AFF2: variants seen among roughly 807,000 people sequenced by gnomAD.
The protein encoded by AFF2 is AF4/FMR2 family member 2.
In AFF2, 14 loss-of-function variants were observed where a neutral mutation model predicts 76.9. The observed-to-expected ratio is 0.18, with a 90% CI of 0.12 to 0.28. AFF2 has a LOEUF of 0.28. Ranked by LOEUF, AFF2 falls within the 10% of genes least tolerant of loss-of-function variation. The pLI is 1.00. For synonymous variants in AFF2, 398 were observed against 366.7 expected (o/e 1.09, Z -0.98); for missense variants, 868 against 1,001.1 (o/e 0.87, Z 1.79).
chrX:148,873,290 A>G (rs1557277566), intron 7 of AFF2, among the ~76,000 whole-genome samples: 3 of 110,305 alleles, frequency 2.7e-5, no homozygotes, highest in Admixed American at 1.9e-4. Flanking sequence ...CTCTCGTGTC[A>G]TGGTTTGGAA....
chrX:148,968,848 T>C (rs982934844), intron 15 of AFF2, among the ~76,000 whole-genome samples: 6 of 112,011 alleles, frequency 5.4e-5, no homozygotes, highest in Admixed American at 9.4e-5. Flanking sequence ...AGGACAACAG[T>C]GCCTGTGACC....
chrX:148,507,987 T>C lies in AFF2; in HGVS notation c.47+6843T>C, dbSNP rs782548390. 1.4e-4 allele frequency among the ~76,000 whole-genome samples: 16 copies of C among 112,548 alleles called. No homozygotes were observed. The South Asian group carries it at 5.1e-3, about 36-fold the overall frequency. On this transcript the variant is annotated intron_variant, in intron 1 of 20. Coordinates refer to ENST00000370460, the MANE Select transcript of AFF2 (RefSeq NM_002025.4). ...TCATTTGAAAAATAAAATCAGCTAA[T>C]GTTTCAAAGTAATCTTCGATTTGGT... is the stretch of plus-strand genomic sequence containing the variant.
chrX:148,666,701 C>T (rs2054364641), intron 3 of AFF2, among the ~76,000 whole-genome samples: 1 of 111,553 alleles, frequency 9.0e-6, no homozygotes, highest in African/African-American at 3.3e-5. Context: ...ATGTGTTCTG[C>T]AGTTGGGTTT....
At chrX:148,987,622 A>G (rs1479545444) in intron 20 of AFF2, 65 bp downstream of exon 20, 26 of 985,043 alleles carry the variant, frequency 2.6e-5, no homozygotes, top group Non-Finnish European at 3.2e-5. Context: ...ACTTTGAAGG[A>G]CTTGAGTTGT....
intron 1 of AFF2, among the ~76,000 whole-genome samples, chrX:148,523,512 G>A (rs1173135179): frequency 3.6e-5 from 4 of 111,909 alleles, no homozygotes; most frequent in Non-Finnish European, 1.9e-5. Context: ...TTACAACTCT[G>A]ACTTCAATTA....
intron 3 of AFF2, among the ~76,000 whole-genome samples, chrX:148,788,737 C>A (rs782767659): frequency 1.8e-5 from 2 of 112,071 alleles, no homozygotes; most frequent in East Asian, 5.6e-4. Flanking sequence ...GTGATGGTAG[C>A]GTGTGGAGGG....
chrX:148,973,398 A>G, intron 15 of AFF2, 73 bp from the exon 16 acceptor site: 1 of 1,158,384 alleles, frequency 8.6e-7, no homozygotes, highest in Non-Finnish European at 1.2e-6. Flanking sequence ...ACTACCCCCC[A>G]GTTTCAAACC....
intron 8 of AFF2, among the ~76,000 whole-genome samples, chrX:148,887,049 A>T (rs2071167848): frequency 8.9e-6 from 1 of 112,871 alleles, no homozygotes; most frequent in Non-Finnish European, 1.9e-5. Flanking sequence ...CTTCAACGTT[A>T]TGTGGCCAAA....
rs2070666621 is a variant in AFF2, at chrX:148,846,294, G to A, written c.1262+2861G>A. Among the ~76,000 whole-genome samples the A allele has an allele frequency of 2.7e-5, 3 of 111,881 alleles. No individual in the cohort carries two copies. In the Admixed American group the frequency reaches 2.8e-4, roughly 11 times the overall value. Reference sequence around the variant, plus strand: ...GAATTGGGGAAGTTTGGAGACCTAGGTTTAATCCCCTCCTTTGTGTCAGTT... The same window carrying A: ...GAATTGGGGAAGTTTGGAGACCTAGATTTAATCCCCTCCTTTGTGTCAGTT... On this transcript the variant is annotated intron_variant, in intron 7 of 20. Coordinates refer to ENST00000370460, the MANE Select transcript of AFF2 (RefSeq NM_002025.4).
intron 3 of AFF2, among the ~76,000 whole-genome samples, chrX:148,739,450 C>G (rs782817794): frequency 9.0e-6 from 1 of 110,873 alleles, no homozygotes. Context: ...CCTGCTTTAC[C>G]CCCTGCTTGC....
At chrX:148,743,297 A>G (rs782154225) in intron 3 of AFF2, among the ~76,000 whole-genome samples, 1 of 112,215 alleles carries the variant, frequency 8.9e-6, no homozygotes, top group Admixed American at 9.4e-5. Context: ...CATTCTGACT[A>G]ATGGAAAGAA....
chrX:148,987,302 G>A (rs530127710), intron 19 of AFF2, 65 bp from the exon 20 acceptor site: 1 of 1,027,482 alleles, frequency 9.7e-7, no homozygotes, highest in Non-Finnish European at 1.3e-6. Context: ...GATGGGGAAG[G>A]CCTAGAACCC....
chrX:148,569,698 C>T lies in AFF2; in HGVS notation c.47+68554C>T, dbSNP rs781785215. Among the ~76,000 whole-genome samples the T allele has an allele frequency of 1.5e-4, 17 of 111,401 alleles. No homozygotes were observed. The East Asian group carries it at 4.8e-3, about 32-fold the overall frequency. Reference sequence around the variant, plus strand: ...AAGTCACGGTGTTAGCCCCTTGTGACATTAGTGTTCAGAAGCTCTTTCTAT... The same window carrying T: ...AAGTCACGGTGTTAGCCCCTTGTGATATTAGTGTTCAGAAGCTCTTTCTAT... On this transcript the variant is annotated intron_variant, in intron 1 of 20. Transcript: ENST00000370460.
intron 3 of AFF2, among the ~76,000 whole-genome samples, chrX:148,737,274 T>A (rs1239517114): frequency 1.8e-5 from 2 of 112,225 alleles, no homozygotes; most frequent in Non-Finnish European, 3.8e-5. Flanking sequence ...CATTTGTTTG[T>A]GTCATCTATG....
chrX:148,711,125 A>G (rs2054962056), intron 3 of AFF2, among the ~76,000 whole-genome samples: 1 of 112,086 alleles, frequency 8.9e-6, no homozygotes, highest in African/African-American at 3.2e-5. Flanking sequence ...ATAAAGGATG[A>G]AGAAATTTTC....
chrX:148,926,734 C>G lies in AFF2; in HGVS notation c.1397+22476C>G, dbSNP rs187448332. Reference sequence around the variant, plus strand: ...TAAAGCATTGCCAAATTGCAATAACCTCCTGGCCATTTTCCCAGTGATTGA... The same window carrying G: ...TAAAGCATTGCCAAATTGCAATAACGTCCTGGCCATTTTCCCAGTGATTGA... On this transcript the variant is annotated intron_variant, in intron 9 of 20. Transcript: ENST00000370460. 4.3e-4 allele frequency among the ~76,000 whole-genome samples: 48 copies of G among 112,153 alleles called. No homozygotes were observed. The Admixed American group carries it at 4.5e-3, about 11-fold the overall frequency.
At chrX:148,559,891 CAACA>C (rs2053091388) in intron 1 of AFF2, among the ~76,000 whole-genome samples, 1 of 111,658 alleles carries the variant, frequency 9.0e-6, no homozygotes, top group African/African-American at 3.3e-5. Flanking sequence ...ACACTCCCAC[CAACA>C]GTGTAAAAGC....
At chrX:148,738,921 A>G (rs1040840002) in intron 3 of AFF2, among the ~76,000 whole-genome samples, 1 of 111,872 alleles carries the variant, frequency 8.9e-6, no homozygotes, top group African/African-American at 3.2e-5. Flanking sequence ...ATGTATTTGC[A>G]TGTATTTGAA....
intron 9 of AFF2, among the ~76,000 whole-genome samples, chrX:148,929,864 C>T (rs964304252): frequency 3.6e-5 from 4 of 111,901 alleles, no homozygotes; most frequent in Non-Finnish European, 5.6e-5. Context: ...ACATGGAAGT[C>T]GGTGGGCATC....
Sources: gnomAD v4.1 joint callset for allele counts (sites outside exome capture counted in the v4.1 genomes callset) on GRCh38, gnomAD v4.1.1 for gene constraint, MANE v1.5 for transcripts, NCBI Gene and HGNC (gene_info 2026-07-23, HGNC 2026-07-21) for gene names.